Variants in BNC2 observed in about 807,000 individuals in gnomAD.
BNC2 encodes zinc finger protein basonuclin-2.
In BNC2, 20 loss-of-function variants were observed where a neutral mutation model predicts 76.3. The ratio of observed to expected loss-of-function variants is 0.26; its 90% CI spans 0.18 to 0.38. The LOEUF (loss-of-function observed/expected upper bound fraction) is 0.38, where lower values mean the gene tolerates loss of function less well. Among genes scored for constraint, BNC2 ranks in the 10% least tolerant of loss-of-function variants. The probability of loss-of-function intolerance (pLI) is 1.00; values close to 1 mark genes in which losing one functional copy is unlikely to be tolerated. For synonymous variants in BNC2, 582 were observed against 514.8 expected, an observed-to-expected ratio of 1.13 and a Z score of -1.77; for missense variants, 1,382 against 1,399.8, an observed-to-expected ratio of 0.99 and a Z score of 0.20.
rs145760296 is a variant in BNC2 at position 16,749,907 on chromosome 9, C to A, written c.4-11422G>T. Among the ~76,000 whole-genome samples the A allele has an allele frequency of 6.8e-3, 1,030 of 152,124 alleles. 11 individuals carry two copies. The highest frequency in any genetic ancestry group is 0.022 in the African/African-American group (902 of 41,478). On this transcript the variant is annotated intron_variant, in intron 1 of 6. Coordinates refer to ENST00000380672, the MANE Select transcript of BNC2 (RefSeq NM_017637.6). ...TAGGAATGGTGAATGCAGCAGAAAACAGAAGTATTAAATTAGGGGATTTGT... is the reference window on the plus strand; with the variant it reads ...TAGGAATGGTGAATGCAGCAGAAAAAAGAAGTATTAAATTAGGGGATTTGT...
intron 1 of BNC2, among the ~76,000 whole-genome samples, chr9:16,806,628 C>G (rs1159089673): frequency 6.6e-6 from 1 of 152,100 alleles, no homozygotes; most frequent in African/African-American, 2.4e-5. Flanking sequence ...GAGAAAGACC[C>G]AGAAAAATAA....
chr9:16,614,869 T>C (rs760708520), intron 3 of BNC2, among the ~76,000 whole-genome samples: 6 of 151,036 alleles, frequency 4.0e-5, no homozygotes, highest in Non-Finnish European at 8.8e-5. Flanking sequence ...GGTGGAAAGA[T>C]TACTTGATCT....
chr9:16,771,588 G>A (rs1284844653), intron 1 of BNC2, among the ~76,000 whole-genome samples: 1 of 152,146 alleles, frequency 6.6e-6, no homozygotes, highest in African/African-American at 2.4e-5. Context: ...AAAAAGATAA[G>A]ACGTTTATAG....
At chr9:16,511,055 G>C (rs1822742127) in intron 5 of BNC2, among the ~76,000 whole-genome samples, 1 of 146,624 alleles carries the variant, frequency 6.8e-6, no homozygotes, top group Non-Finnish European at 1.5e-5. Flanking sequence ...CTTAGCTTTT[G>C]TTTAATATGA....
At chr9:16,800,002 A>G (rs566642348) in intron 1 of BNC2, among the ~76,000 whole-genome samples, 6 of 152,230 alleles carry the variant, frequency 3.9e-5, no homozygotes, top group Non-Finnish European at 8.8e-5. Context: ...AGGTGGGCAG[A>G]TCACCTGAGA....
At chr9:16,560,354 G>C (rs1187453670) in intron 4 of BNC2, among the ~76,000 whole-genome samples, 1 of 152,192 alleles carries the variant, frequency 6.6e-6, no homozygotes, top group Admixed American at 6.5e-5. Flanking sequence ...TAAAGGCAAA[G>C]ACCTGTGGAA....
intron 3 of BNC2, among the ~76,000 whole-genome samples, chr9:16,628,186 T>G (rs1046501364): frequency 1.3e-5 from 2 of 152,180 alleles, no homozygotes; most frequent in East Asian, 1.9e-4. Flanking sequence ...GCTTTGGCAG[T>G]GGGACCAGCT....
chr9:16,847,658 C>T (rs952429559), intron 1 of BNC2, among the ~76,000 whole-genome samples: 3 of 151,894 alleles, frequency 2.0e-5, no homozygotes, highest in Admixed American at 6.6e-5. Flanking sequence ...CAAGATATCC[C>T]CAAACCATAA....
At chr9:16,587,994 T>C (rs1251739485) in intron 3 of BNC2, among the ~76,000 whole-genome samples, 1 of 152,180 alleles carries the variant, frequency 6.6e-6, no homozygotes, top group African/African-American at 2.4e-5. Context: ...CTCTAGAATT[T>C]AAGTTCCATG....
At chr9:16,729,333 C>T (rs1019261843) in intron 2 of BNC2, among the ~76,000 whole-genome samples, 3 of 152,180 alleles carry the variant, frequency 2.0e-5, no homozygotes, top group African/African-American at 7.2e-5. Flanking sequence ...CTACAAATAT[C>T]GAGGACAAAT....
chr9:16,618,094 T>C (rs1820761773), intron 3 of BNC2, among the ~76,000 whole-genome samples: 2 of 152,176 alleles, frequency 1.3e-5, no homozygotes, highest in Admixed American at 6.5e-5. Context: ...GACAGACCTG[T>C]AACAATGCCA....
intron 3 of BNC2, among the ~76,000 whole-genome samples, chr9:16,603,415 T>A (rs1820296468): frequency 6.6e-6 from 1 of 152,224 alleles, no homozygotes; most frequent in South Asian, 2.1e-4. Flanking sequence ...CATTAACTGC[T>A]ACCAATGCAA....
intron 1 of BNC2, among the ~76,000 whole-genome samples, chr9:16,855,576 C>T (rs1302426008): frequency 6.6e-6 from 1 of 152,196 alleles, no homozygotes; most frequent in Non-Finnish European, 1.5e-5. Flanking sequence ...CTCGCTCTGT[C>T]GCCCAGGCTG....
chr9:16,470,960 C>T (rs1217549839), intron 5 of BNC2, among the ~76,000 whole-genome samples: 3 of 152,114 alleles, frequency 2.0e-5, no homozygotes, highest in Non-Finnish European at 2.9e-5. Context: ...GTAAATCCAC[C>T]GACAACTTGT....
chr9:16,799,775 G>A (rs1232520561), intron 1 of BNC2, among the ~76,000 whole-genome samples: 1 of 152,112 alleles, frequency 6.6e-6, no homozygotes, highest in Non-Finnish European at 1.5e-5. Context: ...CACAAAACCA[G>A]AAGAAACAAT....
In BNC2 at chr9:16,555,551, CT is replaced by C. The variant is rs1765074321; in HGVS notation, c.434-2787del. 2.0e-5 allele frequency among the ~76,000 whole-genome samples: 3 copies of C among 152,020 alleles called. No individual in the cohort carries two copies. In the South Asian group the frequency reaches 6.2e-4, roughly 32 times the overall value. On this transcript the variant is annotated intron_variant, in intron 4 of 6. Transcript: ENST00000380672. ...GTGGCTCACACCTGTAATCCCAGCA[CT>C]TTGGGAGGCGAGACGGCAGATTGCC...
intron 1 of BNC2, among the ~76,000 whole-genome samples, chr9:16,764,226 T>G (rs1024673114): frequency 2.6e-5 from 4 of 152,244 alleles, no homozygotes; most frequent in African/African-American, 9.6e-5. Flanking sequence ...GTTTGCATAC[T>G]TATGATGATA....
intron 6 of BNC2, among the ~76,000 whole-genome samples, chr9:16,432,640 C>T (rs1347169068): frequency 6.6e-6 from 1 of 152,136 alleles, no homozygotes; most frequent in African/African-American, 2.4e-5. Flanking sequence ...CACACTTCAG[C>T]CCCCACTCAA....
intron 3 of BNC2, among the ~76,000 whole-genome samples, chr9:16,676,082 C>T (rs1279766795): frequency 1.3e-5 from 2 of 152,074 alleles, no homozygotes; most frequent in Non-Finnish European, 2.9e-5. Context: ...CAATCAATTC[C>T]AGCTTTTAAT....
Sources: gnomAD v4.1 joint callset for allele counts (sites outside exome capture counted in the v4.1 genomes callset) on GRCh38, gnomAD v4.1.1 for gene constraint, MANE v1.5 for transcripts, NCBI Gene and HGNC (gene_info 2026-07-23, HGNC 2026-07-21) for gene names.